LUZP2: variants seen among roughly 807,000 people sequenced by gnomAD.
LUZP2 encodes the protein leucine zipper protein 2.
In LUZP2, 52 loss-of-function variants were observed where a neutral mutation model predicts 51.6. The ratio of observed to expected loss-of-function variants is 1.01; its 90% CI spans 0.81 to 1.27. LUZP2 has a LOEUF of 1.27. Among genes scored for constraint, LUZP2 ranks in the 50% most tolerant of loss-of-function variants. The probability of loss-of-function intolerance (pLI) is 0.00; values close to 1 mark genes in which losing one functional copy is unlikely to be tolerated. For synonymous variants in LUZP2, 154 were observed against 137.3 expected, an observed-to-expected ratio of 1.12 and a Z score of -0.85; for missense variants, 436 against 395.4, an observed-to-expected ratio of 1.10 and a Z score of -0.87.
At chr11:24,841,806 C>T (rs1851040863) in intron 5 of LUZP2, among the ~76,000 whole-genome samples, 1 of 152,052 alleles carries the variant, frequency 6.6e-6, no homozygotes, top group Admixed American at 6.6e-5. Context: ...GGTCTGTACT[C>T]ACGGTGCAAG....
intron 1 of LUZP2, among the ~76,000 whole-genome samples, chr11:24,594,396 T>C (rs1322996903): frequency 6.6e-6 from 1 of 152,098 alleles, no homozygotes; most frequent in Non-Finnish European, 1.5e-5. Flanking sequence ...TCAATAAAAA[T>C]TAGACTAACA....
chr11:24,576,592 G>A (rs7946389), intron 1 of LUZP2, among the ~76,000 whole-genome samples: 26,429 of 151,740 alleles, frequency 0.17, 2,757 homozygotes, highest in Middle Eastern at 0.34. Flanking sequence ...ATTTGTTAAA[G>A]AAAAAACACG....
At chr11:24,868,809 A>G (rs973939545) in intron 5 of LUZP2, among the ~76,000 whole-genome samples, 1 of 152,100 alleles carries the variant, frequency 6.6e-6, no homozygotes, top group Non-Finnish European at 1.5e-5. Flanking sequence ...CTCTTGCTAT[A>G]TACGGACTCA....
chr11:24,879,589 T>C (rs1162907545), intron 5 of LUZP2, among the ~76,000 whole-genome samples: 3 of 152,208 alleles, frequency 2.0e-5, no homozygotes, highest in Non-Finnish European at 4.4e-5. Context: ...TACTGTTTCC[T>C]GACTTTTTAA....
intron 1 of LUZP2, among the ~76,000 whole-genome samples, chr11:24,543,915 A>G (rs1851459179): frequency 1.3e-5 from 2 of 151,342 alleles, no homozygotes; most frequent in Admixed American, 1.3e-4. Context: ...TCACATAAAG[A>G]TGAAGATATG....
chr11:24,874,396 G>A (rs1852182206), intron 5 of LUZP2, among the ~76,000 whole-genome samples: 1 of 152,098 alleles, frequency 6.6e-6, no homozygotes, highest in Non-Finnish European at 1.5e-5. Flanking sequence ...CACAGTGTCG[G>A]TGAGGCATTT....
intron 9 of LUZP2, among the ~76,000 whole-genome samples, chr11:25,043,331 C>T (rs974725594): frequency 1.3e-5 from 2 of 151,996 alleles, no homozygotes; most frequent in African/African-American, 4.8e-5. Context: ...TAGCCCAGTA[C>T]AGTGGTCAAT....
At chr11:24,870,381 C>T (rs1852024048) in intron 5 of LUZP2, among the ~76,000 whole-genome samples, 1 of 151,920 alleles carries the variant, frequency 6.6e-6, no homozygotes, top group African/African-American at 2.4e-5. Flanking sequence ...TCTGCCCAGC[C>T]TCCTGAGTTT....
chr11:24,700,845 A>C (rs1857400953), intron 1 of LUZP2, among the ~76,000 whole-genome samples: 1 of 152,088 alleles, frequency 6.6e-6, no homozygotes, highest in Admixed American at 6.6e-5. Context: ...AATAAAAATT[A>C]AAAGATATAT....
chr11:24,849,943 TTA>T (rs913596024), intron 5 of LUZP2, among the ~76,000 whole-genome samples: 7 of 152,226 alleles, frequency 4.6e-5, no homozygotes, highest in African/African-American at 1.7e-4. Context: ...AAGTGTCTGT[TTA>T]TATCCTTCAC....
chr11:24,980,543 C>T (rs1041738288), intron 8 of LUZP2, among the ~76,000 whole-genome samples: 15 of 151,452 alleles, frequency 9.9e-5, no homozygotes, highest in African/African-American at 2.2e-4. Flanking sequence ...ATATAACAAG[C>T]GTGTGTTGTG....
intron 9 of LUZP2, among the ~76,000 whole-genome samples, chr11:25,019,721 G>A (rs1857274137): frequency 6.6e-6 from 1 of 152,130 alleles, no homozygotes; most frequent in Non-Finnish European, 1.5e-5. Flanking sequence ...TATCTAATAT[G>A]TTATTGAGCT....
chr11:25,009,434 G>A (rs1030488917), intron 9 of LUZP2, among the ~76,000 whole-genome samples: 10 of 151,870 alleles, frequency 6.6e-5, no homozygotes, highest in Admixed American at 2.6e-4. Flanking sequence ...TCTAATCAAT[G>A]TGTAATAAAT....
At chr11:24,534,992 G>C (rs1188457091) in intron 1 of LUZP2, among the ~76,000 whole-genome samples, 1 of 151,100 alleles carries the variant, frequency 6.6e-6, no homozygotes, top group African/African-American at 2.4e-5. Context: ...TCAATAAAAT[G>C]AATATTGACA....
intron 10 of LUZP2, among the ~76,000 whole-genome samples, chr11:25,075,389 C>T (rs1404440983): frequency 6.6e-6 from 1 of 152,098 alleles, no homozygotes; most frequent in Non-Finnish European, 1.5e-5. Context: ...ACAAAGAAAG[C>T]AGGCATTTAT....
chr11:24,951,806 C>A (rs1855088523), intron 7 of LUZP2, among the ~76,000 whole-genome samples: 1 of 151,518 alleles, frequency 6.6e-6, no homozygotes, highest in African/African-American at 2.4e-5. Flanking sequence ...AAGTTGAAAA[C>A]CCTTACAAAA....
chr11:24,915,257 A>C (rs1253847972), intron 7 of LUZP2, among the ~76,000 whole-genome samples: 1 of 152,140 alleles, frequency 6.6e-6, no homozygotes, highest in African/African-American at 2.4e-5. Flanking sequence ...TTTATTTCAT[A>C]GCTCAACAGT....
chr11:24,879,325 G>A (rs1039579048), intron 5 of LUZP2, among the ~76,000 whole-genome samples: 1 of 152,190 alleles, frequency 6.6e-6, no homozygotes, highest in South Asian at 2.1e-4. Context: ...TCATTGATTG[G>A]CATTTTAGTT....
chr11:25,029,480 G>A (rs760129434), intron 9 of LUZP2, among the ~76,000 whole-genome samples: 2 of 152,080 alleles, frequency 1.3e-5, no homozygotes, highest in Non-Finnish European at 2.9e-5. Flanking sequence ...GCTCACACCT[G>A]TAATCCCAGT....
Sources: allele counts gnomAD v4.1 joint callset (sites outside exome capture counted in the v4.1 genomes callset), GRCh38; gene constraint gnomAD v4.1.1; transcripts MANE v1.5; gene names NCBI Gene and HGNC (gene_info 2026-07-23, HGNC 2026-07-21).